The following GNS variants were observed in gnomAD, a reference collection of about 807,000 sequenced individuals.
The protein encoded by GNS is glucosamine (N-acetyl)-6-sulfatase, also known as N-acetylglucosamine-6-sulfatase.
GNS carries 40 observed loss-of-function variants against 69.7 expected under a neutral mutation model. That is an observed-to-expected ratio of 0.57 (90% confidence interval 0.45 to 0.75). GNS has a LOEUF of 0.75. Ranked by LOEUF, GNS falls within the 30% of genes least tolerant of loss-of-function variation. The probability of loss-of-function intolerance (pLI) is 0.00; values close to 1 mark genes in which losing one functional copy is unlikely to be tolerated. For synonymous variants in GNS, 243 were observed against 251.6 expected, an observed-to-expected ratio of 0.97 and a Z score of 0.32; for missense variants, 565 against 685.5, an observed-to-expected ratio of 0.82 and a Z score of 1.96.
Position 64,737,000 on chromosome 12 carries a change from C to G in GNS, c.1098+4G>C. 6.8e-7 allele frequency: 1 copy of G among 1,462,224 alleles called. No individual in the cohort carries two copies. The highest frequency in any genetic ancestry group is 1.4e-5 in the African/African-American group (1 of 72,224). 90.6% of individuals were successfully genotyped at this position (1,462,224 alleles called of 1,614,324 possible). On this transcript the variant is annotated splice_donor_region_variant and intron_variant, in intron 9 of 13. Coordinates refer to ENST00000258145, the MANE Select transcript of GNS (RefSeq NM_002076.4). Reference sequence around the variant, plus strand: ...TCCACAGCACCAGCTTGTCAGGCACCTACCTTGCTTGTCTGATTTGGTTTG... The same window carrying G: ...TCCACAGCACCAGCTTGTCAGGCACGTACCTTGCTTGTCTGATTTGGTTTG...
intron 10 of GNS, among the ~76,000 whole-genome samples, chr12:64,724,168 T>C (rs1207366484): frequency 1.3e-5 from 2 of 152,198 alleles, no homozygotes; most frequent in Non-Finnish European, 2.9e-5. Context: ...GTAAGAACTC[T>C]TGGTGATTTC....
chr12:64,717,293 A>G (rs887326082), intron 13 of GNS, among the ~76,000 whole-genome samples: 1 of 152,164 alleles, frequency 6.6e-6, no homozygotes, highest in Non-Finnish European at 1.5e-5. Context: ...GAAAGAAAAA[A>G]ATCATACAGC....
intron 1 of GNS, among the ~76,000 whole-genome samples, chr12:64,758,309 CTTTTTTTTTTTTTTTTTTTTT>C (rs139394351): frequency 1.5e-5 from 1 of 67,368 alleles, no homozygotes; most frequent in Non-Finnish European, 2.7e-5. Context: ...CACTTCAGGC[CTTTTTTTTTTTTTTTTTTTTT>C]TTTTTTTTTT....
chr12:64,730,153 C>T (rs1167485603), intron 9 of GNS, among the ~76,000 whole-genome samples: 1 of 152,156 alleles, frequency 6.6e-6, no homozygotes, highest in Non-Finnish European at 1.5e-5. Context: ...CTAAAGTTTA[C>T]TGTGCCAGGC....
Position 64,716,759 on chromosome 12 carries a change from A to C in GNS, c.1641T>G (p.Phe547Leu), listed in dbSNP as rs753506630. Residue 547 changes from phenylalanine to leucine, a missense_variant, in exon 14 of 14, where the codon TTT becomes TTG. This residue lies in a region of GNS where 384 missense variants were observed against 511.0 expected (regional missense o/e 0.75). Coordinates refer to ENST00000258145, the MANE Select transcript of GNS (RefSeq NM_002076.4). ...GAGGTCGCTACAGAAGATGTTTGGA[A>C]AATCTTCGAGTCCTGACACTGCCGC... ...SNRGSVRTRR[F>L]SKHLL 6.2e-7 allele frequency: 1 copy of C among 1,612,378 alleles called. No homozygotes were observed. The highest frequency in any genetic ancestry group is 8.5e-7 in the Non-Finnish European group (1 of 1,178,394).
chr12:64,716,589 C>T lies in GNS; in HGVS notation c.*152G>A, dbSNP rs768957003. The T allele has an allele frequency of 3.8e-4, 264 of 690,642 alleles. 1 individual carries two copies. Among genetic ancestry groups the T allele is most frequent in the Non-Finnish European group, 6.0e-4 (227 of 376,156 alleles). The allele number at this position is 690,642 out of a possible 1,614,324, so 42.8% of individuals were successfully genotyped here. On this transcript the variant is annotated 3_prime_UTR_variant, in exon 14 of 14. Transcript: ENST00000258145. Reference sequence around the variant, plus strand: ...AGTTTAACACATTGCACGAGGAAGTCAGCTGACTGGGTTGCTTTTTCAAAC... The same window carrying T: ...AGTTTAACACATTGCACGAGGAAGTTAGCTGACTGGGTTGCTTTTTCAAAC...
chr12:64,720,191 C>T lies in GNS; in HGVS notation c.1420-9G>A, dbSNP rs980133508. 11 of 1,572,708 alleles carry T rather than the reference C, an allele frequency of 7.0e-6. No individual in the cohort carries two copies. In the African/African-American group the frequency reaches 1.2e-4, roughly 18 times the overall value. ...TAGACTTCTACAAACACCTAGAGGACATGAAAGAATGGAGGAAAGAAAAGA... is the reference window on the plus strand; with the variant it reads ...TAGACTTCTACAAACACCTAGAGGATATGAAAGAATGGAGGAAAGAAAAGA... On this transcript the variant is annotated splice_polypyrimidine_tract_variant and intron_variant, in intron 12 of 13. Transcript: ENST00000258145.
Position 64,740,665 on chromosome 12 carries a change from T to C in GNS, c.816A>G (p.Gln272=). 6.3e-7 allele frequency: 1 copy of C among 1,581,318 alleles called. No homozygotes were observed. The highest frequency in any genetic ancestry group is 1.1e-5 in the South Asian group (1 of 90,398). ...AAGAATTAGTCATTGGAGTCTTGGC[T>C]TGCCTAATTAACCAGTGCTTGTTCT... is the stretch of plus-strand genomic sequence containing the variant. The part of the protein sequence containing the change: ...HGTNKHWLIR[Q]AKTPMTNSSI... Residue 272 remains glutamine (Q), a synonymous_variant, in exon 7 of 14, where the codon CAA becomes CAG. Coordinates refer to ENST00000258145, the MANE Select transcript of GNS (RefSeq NM_002076.4).
At chr12:64,738,591 T>C (rs1015867035) in intron 8 of GNS, among the ~76,000 whole-genome samples, 1 of 152,060 alleles carries the variant, frequency 6.6e-6, no homozygotes, top group African/African-American at 2.4e-5. Context: ...GGTAGGCAGA[T>C]TACCTGAGGT....
intron 4 of GNS, 43 bp from the exon 5 acceptor site, chr12:64,744,950 A>C: frequency 1.2e-6 from 1 of 868,044 alleles, no homozygotes; most frequent in Non-Finnish European, 2.0e-6. Flanking sequence ...AGGTCAGTGC[A>C]CAAAGTGGAA....
chr12:64,752,416 C>T (rs1486208581), intron 2 of GNS, among the ~76,000 whole-genome samples: 1 of 152,180 alleles, frequency 6.6e-6, no homozygotes, highest in African/African-American at 2.4e-5. Context: ...ACACAGCATA[C>T]ATATTCCTTG....
At chr12:64,734,436 G>A (rs1565883815) in intron 9 of GNS, among the ~76,000 whole-genome samples, 2 of 152,174 alleles carry the variant, frequency 1.3e-5, no homozygotes, top group African/African-American at 2.4e-5. Flanking sequence ...ATTATGAAGC[G>A]ACTTCCCAGA....
At chr12:64,753,883 ACTCTC>A (rs1394812347) in intron 1 of GNS, among the ~76,000 whole-genome samples, 1 of 152,184 alleles carries the variant, frequency 6.6e-6, no homozygotes, top group African/African-American at 2.4e-5. Context: ...CGTCAGCCAT[ACTCTC>A]CTCAAAGCAT....
In GNS at chr12:64,732,154, TTTTTTTTTTTTGTTG is replaced by T. The variant is rs1447818320; in HGVS notation, c.1099-3112_1099-3098del. On this transcript the variant is annotated intron_variant, in intron 9 of 13. Transcript: ENST00000258145. Reference sequence around the variant, plus strand: ...GGCACCTGCCACCACACCTGGCTAATTTTTTTTTTTTGTTGTTTTTTTTTTTTTTTTGAGACGGAG... The same window carrying T: ...GGCACCTGCCACCACACCTGGCTAATTTTTTTTTTTTTTTTTGAGACGGAG... Among the ~76,000 whole-genome samples, 7 of 69,794 alleles carry T rather than the reference TTTTTTTTTTTTGTTG, an allele frequency of 1.0e-4. 2 individuals are homozygous for T. The highest frequency in any genetic ancestry group is 5.2e-4 in the South Asian group (1 of 1,916). The allele number at this position is 69,794 out of a possible 152,430, so 45.8% of individuals were successfully genotyped here. A position where few individuals can be genotyped will look rare whatever the true frequency, so the allele number is the denominator to read the frequency against.
intron 1 of GNS, among the ~76,000 whole-genome samples, chr12:64,756,058 A>G (rs1870241692): frequency 1.3e-5 from 2 of 152,334 alleles, no homozygotes; most frequent in South Asian, 2.1e-4. Flanking sequence ...CAAGAAAGTG[A>G]TAAGAACAGT....
chr12:64,759,034 C>G (rs776500932), intron 1 of GNS, 51 bp downstream of exon 1: 1 of 1,409,400 alleles, frequency 7.1e-7, no homozygotes, highest in Non-Finnish European at 9.8e-7. Context: ...AGCAACAAAC[C>G]GGGTAGTCAG....
At chr12:64,738,012 C>CTT (rs60901845) in intron 8 of GNS, among the ~76,000 whole-genome samples, 4 of 143,822 alleles carry the variant, frequency 2.8e-5, no homozygotes, top group Non-Finnish European at 3.1e-5. Flanking sequence ...TTGCCTGCAT[C>CTT]TTTTTTTTTT....
intron 7 of GNS, 106 bp from the exon 8 acceptor site, chr12:64,739,605 GTTTAAAAAAAA>G (rs1565624484): frequency 1.7e-6 from 1 of 589,814 alleles, no homozygotes; most frequent in African/African-American, 2.1e-5. Flanking sequence ...AGACACCCCC[GTTTAAAAAAAA>G]AAATCCAAAA....
Position 64,733,297 on chromosome 12 carries a change from CAAAAAAAAAAAAAAAAAAA to C in GNS, c.1098+3688_1098+3706del, listed in dbSNP as rs961321163. ...TAAGTTACAGAGCAAGACCCTGTCT[CAAAAAAAAAAAAAAAAAAA>C]AAAAAAAAAAAATTCCTGGGGCTTA... On this transcript the variant is annotated intron_variant, in intron 9 of 13. Transcript: ENST00000258145. Among the ~76,000 whole-genome samples the C allele has an allele frequency of 1.9e-4, 5 of 26,640 alleles. 1 individual carries two copies. Among genetic ancestry groups the C allele is most frequent in the Non-Finnish European group, 3.8e-4 (5 of 13,034 alleles). 17.5% of individuals were successfully genotyped at this position (26,640 alleles called of 152,430 possible).
Sources: allele counts gnomAD v4.1 joint callset (sites outside exome capture counted in the v4.1 genomes callset), GRCh38; gene constraint gnomAD v4.1.1; regional missense constraint gnomAD v4.1.1; transcripts MANE v1.5; gene names NCBI Gene and HGNC (gene_info 2026-07-23, HGNC 2026-07-21).